PCDHGA4: variants seen among roughly 807,000 people sequenced by gnomAD.
PCDHGA4 encodes protocadherin gamma-A4.
In PCDHGA4, 38 loss-of-function variants were observed where a neutral mutation model predicts 54.6. That is an observed-to-expected ratio of 0.70 (90% CI 0.54 to 0.91). PCDHGA4 has a LOEUF of 0.91. PCDHGA4 is among the 40% of genes least tolerant of loss of function. The pLI, the probability that PCDHGA4 is intolerant of heterozygous loss-of-function variation, is 0.00. For synonymous variants in PCDHGA4, 511 were observed against 512.9 expected, an observed-to-expected ratio of 1.00 and a Z score of 0.05; for missense variants, 1,298 against 1,220.9, an observed-to-expected ratio of 1.06 and a Z score of -0.94.
Position 141,491,722 on chromosome 5 carries a change from CG to C in PCDHGA4, c.2515-3082del. Reference sequence around the variant, plus strand: ...CCAGGTGAGGGGCTCGGCGCCGCCCCGGGCGACCCCTGGGGGCGGCACTGGA... The same window carrying C: ...CCAGGTGAGGGGCTCGGCGCCGCCCCGGCGACCCCTGGGGGCGGCACTGGA... On this transcript the variant is annotated intron_variant, in intron 1 of 3. Transcript: ENST00000571252. The surrounding 1 kb of genome is among the most constrained non-coding windows in gnomAD (Gnocchi z 6.9). The C allele has an allele frequency of 1.2e-6, 2 of 1,607,004 alleles. No homozygotes were observed. Among genetic ancestry groups the C allele is most frequent in the Non-Finnish European group, 1.7e-6 (2 of 1,177,148 alleles).
chr5:141,462,198 G>C (rs2099034283), intron 1 of PCDHGA4, among the ~76,000 whole-genome samples: 1 of 152,182 alleles, frequency 6.6e-6, no homozygotes, highest in Non-Finnish European at 1.5e-5. Context: ...GACCTCAGGT[G>C]ATCCGCCTGC....
chr5:141,436,167 G>A (rs933669166), intron 1 of PCDHGA4, among the ~76,000 whole-genome samples: 2 of 152,088 alleles, frequency 1.3e-5, no homozygotes, highest in Non-Finnish European at 2.9e-5. Flanking sequence ...CATATGGACA[G>A]TTCTCATATA....
rs372096658 is a variant in PCDHGA4, at chr5:141,405,073, C to T, written c.2514+47452C>T. On this transcript the variant is annotated intron_variant, in intron 1 of 3. Coordinates refer to ENST00000571252, the MANE Select transcript of PCDHGA4 (RefSeq NM_018917.4). The stretch of plus-strand genomic sequence containing the variant: ...TCGTCTCCTGTGTCTTCCTCACCTT[C>T]GTTATCACGCTGCTGGCCCTCAGGC... The T allele has an allele frequency of 1.1e-5, 17 of 1,613,880 alleles. No individual in the cohort carries two copies. In the East Asian group the frequency reaches 1.3e-4, roughly 13 times the overall value.
chr5:141,391,293 A>G (rs1043661475), intron 1 of PCDHGA4: 15 of 151,834 alleles, frequency 9.9e-5, no homozygotes, highest in Admixed American at 3.3e-4. Context: ...AAAGAAGGAA[A>G]CGTCTTTCGA....
At chr5:141,359,366 A>C (rs1761188368) in intron 1 of PCDHGA4, among the ~76,000 whole-genome samples, 1 of 152,098 alleles carries the variant, frequency 6.6e-6, no homozygotes, top group Non-Finnish European at 1.5e-5. Context: ...AGGCCTAGGA[A>C]AGCAGTAGAT....
At chr5:141,386,251 C>A (rs2090509345) in intron 1 of PCDHGA4, among the ~76,000 whole-genome samples, 2 of 152,070 alleles carry the variant, frequency 1.3e-5, no homozygotes, top group Admixed American at 1.3e-4. Context: ...GGAAATAACC[C>A]AATCTGGGAT....
intron 1 of PCDHGA4, chr5:141,366,646 GC>G: frequency 6.2e-7 from 1 of 1,614,248 alleles, no homozygotes; most frequent in South Asian, 1.1e-5. Context: ...TCTTTCCCCA[GC>G]CCAACTACGC....
rs573137440 is a variant in PCDHGA4 at position 141,365,509 on chromosome 5, A to G, written c.2514+7888A>G. 14 of 1,613,912 alleles carry G rather than the reference A, an allele frequency of 8.7e-6. No individual in the cohort carries two copies. The East Asian group carries it at 2.9e-4, about 33-fold the overall frequency. On this transcript the variant is annotated intron_variant, in intron 1 of 3. Transcript: ENST00000571252. ...CTATTCCTAGGAATTTGCCTTTTAA[A>G]TTGGAGAAGTCAGTTGATAATTACT...
intron 1 of PCDHGA4, chr5:141,366,740 C>T (rs541987209): frequency 1.9e-5 from 30 of 1,611,948 alleles, no homozygotes; most frequent in Non-Finnish European, 2.3e-5. Context: ...CAAAGAAGAA[C>T]GGCGAGTTCA....
At chr5:141,465,657 G>A (rs904553709) in intron 1 of PCDHGA4, among the ~76,000 whole-genome samples, 4 of 152,130 alleles carry the variant, frequency 2.6e-5, no homozygotes, top group East Asian at 1.9e-4. Flanking sequence ...CCAAAAAAGC[G>A]CTTGCCATGA....
Position 141,477,337 on chromosome 5 carries a change from C to T in PCDHGA4, c.2515-17470C>T. ...TTACTTCTTCCCTCAAGAATTACTT[C>T]ACTTTGAAAACCAGTGCAGACCTGG... On this transcript the variant is annotated intron_variant, in intron 1 of 3. Transcript: ENST00000571252. The surrounding 1 kb of genome is among the most constrained non-coding windows in gnomAD (Gnocchi z 4.9). The T allele has an allele frequency of 1.2e-6, 2 of 1,614,166 alleles. No individual in the cohort carries two copies. Among genetic ancestry groups the T allele is most frequent in the Non-Finnish European group, 1.7e-6 (2 of 1,180,028 alleles).
intron 1 of PCDHGA4, chr5:141,383,403 G>A: frequency 6.2e-7 from 1 of 1,614,000 alleles, no homozygotes; most frequent in Non-Finnish European, 8.5e-7. Flanking sequence ...ACTCCCTCCA[G>A]AGTTACCAGC....
At chr5:141,433,273 A>T in intron 1 of PCDHGA4, 1 of 1,258,988 alleles carries the variant, frequency 7.9e-7, no homozygotes. Flanking sequence ...AGCTCACTGC[A>T]GCCTCAAACT....
intron 1 of PCDHGA4, chr5:141,388,773 G>A (rs769358867): frequency 1.9e-6 from 3 of 1,613,808 alleles, no homozygotes; most frequent in East Asian, 2.2e-5. Flanking sequence ...CTCTAACACC[G>A]GGGAAATTAC....
chr5:141,491,823 C>T lies in PCDHGA4; in HGVS notation c.2515-2984C>T, dbSNP rs1242708273. On this transcript the variant is annotated intron_variant, in intron 1 of 3. Transcript: ENST00000571252. The surrounding 1 kb of genome is among the most constrained non-coding windows in gnomAD (Gnocchi z 6.9). ...GCCGGCTTGGTCGCTGGCTGCGCTC[C>T]ACCCGATTCTCGGGATCATTGGACC... The T allele has an allele frequency of 2.7e-6, 4 of 1,479,038 alleles. No homozygotes were observed. Among genetic ancestry groups the T allele is most frequent in the Non-Finnish European group, 3.6e-6 (4 of 1,115,300 alleles). 91.6% of individuals were successfully genotyped at this position (1,479,038 alleles called of 1,614,324 possible).
chr5:141,421,054 A>C, intron 1 of PCDHGA4: 2 of 571,978 alleles, frequency 3.5e-6, no homozygotes, highest in Non-Finnish European at 6.0e-6. Context: ...CGCCTCTACC[A>C]CACAAAGCGG....
intron 1 of PCDHGA4, among the ~76,000 whole-genome samples, chr5:141,445,277 A>G (rs769047096): frequency 6.6e-6 from 1 of 152,256 alleles, no homozygotes; most frequent in African/African-American, 2.4e-5. Flanking sequence ...ACCACTCTGC[A>G]TAAGTTCAGG....
intron 1 of PCDHGA4, chr5:141,478,008 C>T: frequency 6.2e-7 from 1 of 1,614,124 alleles, no homozygotes; most frequent in Non-Finnish European, 8.5e-7. Flanking sequence ...ATCAGTACTG[C>T]CCGTCCAGTC....
chr5:141,382,175 C>G (rs1273619481), intron 1 of PCDHGA4, among the ~76,000 whole-genome samples: 3 of 152,028 alleles, frequency 2.0e-5, no homozygotes, highest in Non-Finnish European at 2.9e-5. Context: ...TAGACCGTCT[C>G]TAAGGTTCTA....
Sources: gnomAD v4.1 joint callset for allele counts (sites outside exome capture counted in the v4.1 genomes callset) on GRCh38, gnomAD v4.1.1 for gene constraint, Gnocchi (gnomAD v3.1) non-coding constraint, MANE v1.5 for transcripts, NCBI Gene and HGNC (gene_info 2026-07-23, HGNC 2026-07-21) for gene names.